The following TJP1 variants were observed in gnomAD, a reference collection of about 807,000 sequenced individuals.
The protein encoded by TJP1 is tight junction protein 1, also known as tight junction protein ZO-1.
Under a neutral mutation model 194.2 loss-of-function variants are expected in TJP1, and 43 were observed. That is an observed-to-expected ratio of 0.22 (90% CI 0.17 to 0.29). TJP1 has a LOEUF of 0.29. TJP1 is among the 10% of genes least tolerant of loss of function. The pLI is 1.00. For missense variants in TJP1, 1,971 were observed against 2,185.7 expected (o/e 0.90, Z 1.96); for synonymous variants, 801 against 779.0 (o/e 1.03, Z -0.47).
chr15:29,717,702 C>T (rs1317537220), intron 22 of TJP1, among the ~76,000 whole-genome samples: 2 of 152,216 alleles, frequency 1.3e-5, no homozygotes, highest in Admixed American at 1.3e-4. Flanking sequence ...TAAGAGTTCA[C>T]ATGTCGAAAA....
chr15:29,968,519 G>T, intron 1 of TJP1: 1 of 812,104 alleles, frequency 1.2e-6, no homozygotes, highest in Non-Finnish European at 1.5e-6. Context: ...TGCGCCCCGC[G>T]CGGCGCGCCC....
chr15:29,952,243 G>C (rs1006338045), intron 2 of TJP1, among the ~76,000 whole-genome samples: 2 of 152,166 alleles, frequency 1.3e-5, no homozygotes, highest in African/African-American at 4.8e-5. Flanking sequence ...CACATACACA[G>C]AACAGAATTG....
At chr15:29,771,341 C>T (rs769496969) in intron 4 of TJP1, among the ~76,000 whole-genome samples, 48 of 152,034 alleles carry the variant, frequency 3.2e-4, no homozygotes, top group Admixed American at 3.9e-4. Flanking sequence ...ATACTGTAAG[C>T]GACTGTAACA....
intron 2 of TJP1, among the ~76,000 whole-genome samples, chr15:29,874,712 T>C (rs183546187): frequency 6.6e-5 from 10 of 152,344 alleles, no homozygotes; most frequent in Non-Finnish European, 1.2e-4. Context: ...TATTTGCTTA[T>C]AAACTTCATT....
chr15:29,699,963 T>C (rs1211822957), downstream of TJP1: 2 of 254,560 alleles, frequency 7.9e-6, no homozygotes, highest in Non-Finnish European at 1.5e-5. Context: ...CACTTCAGTC[T>C]GAGCCCTTCA....
intron 2 of TJP1, among the ~76,000 whole-genome samples, chr15:29,855,726 C>T (rs1231022796): frequency 3.9e-5 from 6 of 151,932 alleles, no homozygotes; most frequent in African/African-American, 2.4e-5. Flanking sequence ...CCTGGTGGCA[C>T]GCGCCTGTAA....
chr15:29,872,926 G>A (rs893349097), intron 2 of TJP1, among the ~76,000 whole-genome samples: 11 of 152,194 alleles, frequency 7.2e-5, no homozygotes, highest in African/African-American at 1.9e-4. Context: ...CCAGAGATAC[G>A]CATGGGAATA....
Position 29,719,853 on chromosome 15 carries a change from G to A in TJP1, c.2927C>T (p.Thr976Ile), listed in dbSNP as rs2042820650. 2 of 1,614,022 alleles carry A rather than the reference G, an allele frequency of 1.2e-6. No individual in the cohort carries two copies. Among genetic ancestry groups the A allele is most frequent in the African/African-American group, 1.3e-5 (1 of 74,922 alleles). Residue 976 changes from threonine to isoleucine, a missense_variant, in exon 20 of 28, where the codon ACA becomes ATA. By Grantham distance (89) the Thr-to-Ile change is moderately conservative. Around this residue, in one of 5 missense-constraint regions of TJP1, gnomAD observed 1,108 missense variants for 1,128.5 expected, o/e 0.98. Coordinates refer to ENST00000614355, the MANE Select transcript of TJP1 (RefSeq NM_001330239.4). ...TATGTGAGCTGCCTCAGTACTTGGT[G>A]TTCTTAAAGAATCAGCTTGTGGTGA... The part of the protein sequence containing the change: ...SYSPQADSLR[T>I]PSTEAAHIML...
At chr15:29,949,651 C>T (rs2055541497) in intron 2 of TJP1, among the ~76,000 whole-genome samples, 1 of 128,014 alleles carries the variant, frequency 7.8e-6, no homozygotes, top group Non-Finnish European at 1.7e-5. Flanking sequence ...CCACCACCAC[C>T]ACCTCCACCT....
At chr15:29,837,480 CCCGGGAGGCGGAG>C (rs1421086981) in intron 2 of TJP1, among the ~76,000 whole-genome samples, 1 of 152,070 alleles carries the variant, frequency 6.6e-6, no homozygotes, top group Non-Finnish European at 1.5e-5. Flanking sequence ...ATCACTTGAA[CCCGGGAGGCGGAG>C]GTTGTGGTGA....
intron 18 of TJP1, 134 bp from the exon 19 acceptor site, chr15:29,720,842 G>A (rs1347201949): frequency 1.4e-6 from 1 of 694,228 alleles, no homozygotes; most frequent in South Asian, 2.0e-5. Flanking sequence ...TTCTGGTAAG[G>A]AAAAGTCAAG....
chr15:29,967,477 G>A (rs1361836742), intron 1 of TJP1, among the ~76,000 whole-genome samples: 1 of 152,102 alleles, frequency 6.6e-6, no homozygotes, highest in Non-Finnish European at 1.5e-5. Context: ...TATCAGAGTT[G>A]ATCTGTGTAT....
At chr15:29,922,462 A>G (rs2054396729) in intron 2 of TJP1, among the ~76,000 whole-genome samples, 1 of 152,234 alleles carries the variant, frequency 6.6e-6, no homozygotes, top group South Asian at 2.1e-4. Context: ...TAACTCTTAG[A>G]CTGCAAATAA....
chr15:29,773,751 T>C (rs907476588), intron 2 of TJP1, among the ~76,000 whole-genome samples: 12 of 152,240 alleles, frequency 7.9e-5, no homozygotes, highest in African/African-American at 2.9e-4. Flanking sequence ...ACACCCTTTG[T>C]CATTTTACAT....
At chr15:29,907,178 G>A (rs2053843020) in intron 2 of TJP1, among the ~76,000 whole-genome samples, 1 of 152,096 alleles carries the variant, frequency 6.6e-6, no homozygotes, top group Non-Finnish European at 1.5e-5. Context: ...GGGAGGTCGG[G>A]GCAGGCAGAT....
intron 1 of TJP1, among the ~76,000 whole-genome samples, chr15:29,967,798 G>A (rs2056383523): frequency 6.6e-6 from 1 of 152,194 alleles, no homozygotes; most frequent in South Asian, 2.1e-4. Flanking sequence ...ATTAGACTGT[G>A]CTCAATTGAA....
chr15:29,730,551 C>G (rs575132662), intron 15 of TJP1, among the ~76,000 whole-genome samples: 1 of 151,640 alleles, frequency 6.6e-6, no homozygotes, highest in East Asian at 1.9e-4. Flanking sequence ...GAGCAATGAT[C>G]TAACCACTGC....
At chr15:29,711,883 A>G (rs754545447) in intron 23 of TJP1, among the ~76,000 whole-genome samples, 4 of 152,242 alleles carry the variant, frequency 2.6e-5, no homozygotes, top group Non-Finnish European at 1.5e-5. Flanking sequence ...GCGTTTCAGT[A>G]AAACTAAAAA....
At chr15:29,803,357 G>C (rs2048909173) in intron 1 of TJP1, among the ~76,000 whole-genome samples, 1 of 152,022 alleles carries the variant, frequency 6.6e-6, no homozygotes, top group African/African-American at 2.4e-5. Flanking sequence ...CAGTATTCAA[G>C]AAATTATATG....
Sources: allele counts gnomAD v4.1 joint callset (sites outside exome capture counted in the v4.1 genomes callset), GRCh38; gene constraint gnomAD v4.1.1; regional missense constraint gnomAD v4.1.1; transcripts MANE v1.5; gene names NCBI Gene and HGNC (gene_info 2026-07-23, HGNC 2026-07-21).